The following PCDHGA4 variants were observed in gnomAD, a reference collection of about 807,000 sequenced individuals.
PCDHGA4 encodes the protein protocadherin gamma-A4.
A neutral mutation model predicts 54.6 loss-of-function variants in PCDHGA4; 38 were observed. The observed-to-expected ratio is 0.70, with a 90% confidence interval of 0.54 to 0.91. The LOEUF is 0.91. PCDHGA4 is among the 40% of genes least tolerant of loss of function. The probability of loss-of-function intolerance (pLI) is 0.00; values close to 1 mark genes in which losing one functional copy is unlikely to be tolerated. For synonymous variants in PCDHGA4, 511 were observed against 512.9 expected, an observed-to-expected ratio of 1.00 and a Z score of 0.05; for missense variants, 1,298 against 1,220.9, an observed-to-expected ratio of 1.06 and a Z score of -0.94.
At chr5:141,387,816 C>T (rs1376270603) in intron 1 of PCDHGA4, 3 of 1,539,164 alleles carry the variant, frequency 1.9e-6, no homozygotes, top group African/African-American at 1.4e-5. Flanking sequence ...ATCCAAAAAT[C>T]TGCAATACAG....
chr5:141,494,446 G>C (rs1046119515), intron 1 of PCDHGA4, among the ~76,000 whole-genome samples: 2 of 152,172 alleles, frequency 1.3e-5, no homozygotes, highest in African/African-American at 4.8e-5. Context: ...TGCCACTTTA[G>C]GGGGCTTTGT....
intron 1 of PCDHGA4, chr5:141,427,726 T>C: frequency 8.7e-7 from 1 of 1,155,152 alleles, no homozygotes; most frequent in Non-Finnish European, 1.3e-6. Context: ...GACCTAGGGC[T>C]GAATGGCCAA....
intron 1 of PCDHGA4, among the ~76,000 whole-genome samples, chr5:141,386,522 C>CT (rs35543697): frequency 1 from 152,285 of 152,292 alleles, 76,139 homozygotes; most frequent in Middle Eastern, 1. Flanking sequence ...CAAAAAAAGA[C>CT]TCTTTTTAGA....
intron 1 of PCDHGA4, among the ~76,000 whole-genome samples, chr5:141,380,667 T>G (rs552117625): frequency 1.1e-4 from 16 of 152,362 alleles, no homozygotes; most frequent in African/African-American, 3.6e-4. Flanking sequence ...ATTTACTCCA[T>G]AGGGTATGTA....
chr5:141,375,490 C>T (rs752487734), intron 1 of PCDHGA4: 1 of 1,614,012 alleles, frequency 6.2e-7, no homozygotes, highest in East Asian at 2.2e-5. Context: ...CCAGGGGTGC[C>T]TCCATCTTCT....
chr5:141,449,283 A>C (rs937339676), intron 1 of PCDHGA4, among the ~76,000 whole-genome samples: 1 of 152,102 alleles, frequency 6.6e-6, no homozygotes, highest in African/African-American at 2.4e-5. Flanking sequence ...CTTCACCCGG[A>C]TGCACCGGGT....
intron 1 of PCDHGA4, chr5:141,393,317 G>C (rs927337267): frequency 6.2e-7 from 1 of 1,612,904 alleles, no homozygotes; most frequent in South Asian, 1.1e-5. Flanking sequence ...ACTCCCTCCA[G>C]AGCTACCAGC....
chr5:141,500,484 C>T (rs2099800696), intron 2 of PCDHGA4, among the ~76,000 whole-genome samples: 1 of 152,304 alleles, frequency 6.6e-6, no homozygotes, highest in Non-Finnish European at 1.5e-5. Context: ...GCTGGGATTA[C>T]AGGCGTGAGC....
At chr5:141,365,002 C>G (rs779500238) in intron 1 of PCDHGA4, 2 of 1,613,800 alleles carry the variant, frequency 1.2e-6, no homozygotes, top group African/African-American at 2.7e-5. Flanking sequence ...TACTCTCCGG[C>G]ACCACGCACA....
intron 1 of PCDHGA4, chr5:141,415,217 GCTTCGAGTCT>G: frequency 2.5e-6 from 4 of 1,614,124 alleles, no homozygotes; most frequent in Non-Finnish European, 3.4e-6. Context: ...GACCTCGGCA[GCTTCGAGTCT>G]CCAGCTAACT....
intron 1 of PCDHGA4, among the ~76,000 whole-genome samples, chr5:141,430,159 A>G (rs1324343997): frequency 6.6e-6 from 1 of 152,176 alleles, no homozygotes; most frequent in Non-Finnish European, 1.5e-5. Context: ...CAAGGAATCT[A>G]TTTAAAAATA....
chr5:141,400,194 G>T (rs2093978875), intron 1 of PCDHGA4: 2 of 1,614,034 alleles, frequency 1.2e-6, no homozygotes, highest in Non-Finnish European at 1.7e-6. Flanking sequence ...TTTACCTAGT[G>T]GTGGCCTTGG....
Position 141,400,535 on chromosome 5 carries a change from T to C in PCDHGA4, c.2514+42914T>C, listed in dbSNP as rs753705723. 2.5e-6 allele frequency: 4 copies of C among 1,613,958 alleles called. No individual in the cohort carries two copies. In the South Asian group the frequency reaches 4.4e-5, roughly 18 times the overall value. ...TCCCATCCTGAGTTGGTGAGTTTCATTTATGTCTATTCTTTTTCATTACCC... is the reference window on the plus strand; with the variant it reads ...TCCCATCCTGAGTTGGTGAGTTTCACTTATGTCTATTCTTTTTCATTACCC... On this transcript the variant is annotated intron_variant, in intron 1 of 3. Transcript: ENST00000571252.
In PCDHGA4 at chr5:141,491,731, C is replaced by T. The variant is rs1198438920; in HGVS notation, c.2515-3076C>T. ...GGGCTCGGCGCCGCCCCGGGCGACC[C>T]CTGGGGGCGGCACTGGAGAAGCCGC... On this transcript the variant is annotated intron_variant, in intron 1 of 3. Coordinates refer to ENST00000571252, the MANE Select transcript of PCDHGA4 (RefSeq NM_018917.4). The surrounding 1 kb of genome is among the most constrained non-coding windows in gnomAD (Gnocchi z 6.9). 1 of 1,603,678 alleles carries T rather than the reference C, an allele frequency of 6.2e-7. No homozygotes were observed. Among genetic ancestry groups the T allele is most frequent in the Non-Finnish European group, 8.5e-7 (1 of 1,175,748 alleles).
chr5:141,357,886 T>C lies in PCDHGA4; in HGVS notation c.2514+265T>C, dbSNP rs144492107. 2.4e-4 allele frequency among the ~76,000 whole-genome samples: 37 copies of C among 152,312 alleles called. No individual in the cohort carries two copies. In the East Asian group the frequency reaches 5.6e-3, roughly 23 times the overall value. On this transcript the variant is annotated intron_variant, in intron 1 of 3. Coordinates refer to ENST00000571252, the MANE Select transcript of PCDHGA4 (RefSeq NM_018917.4). Reference sequence around the variant, plus strand: ...AATTTTACAACTCTGAGCCACCTCATTTCCTTAAATTTCCTTTTCTGTGCT... The same window carrying C: ...AATTTTACAACTCTGAGCCACCTCACTTCCTTAAATTTCCTTTTCTGTGCT...
chr5:141,390,300 T>C, intron 1 of PCDHGA4: 2 of 1,613,822 alleles, frequency 1.2e-6, no homozygotes, highest in Non-Finnish European at 1.7e-6. Flanking sequence ...CCTTTAAGTA[T>C]AATTTAATGC....
At chr5:141,453,482 A>T (rs979979155) in intron 1 of PCDHGA4, among the ~76,000 whole-genome samples, 1 of 151,990 alleles carries the variant, frequency 6.6e-6, no homozygotes, top group Non-Finnish European at 1.5e-5. Context: ...CAAAACTATT[A>T]AAAAAAGGTG....
chr5:141,510,894 A>G, intron 3 of PCDHGA4, 53 bp from the exon 4 acceptor site: 2 of 1,612,850 alleles, frequency 1.2e-6, no homozygotes, highest in Non-Finnish European at 8.5e-7. Flanking sequence ...TAAGACAGTG[A>G]CTGTTGAGGA....
chr5:141,466,674 T>C (rs2099127051), intron 1 of PCDHGA4, among the ~76,000 whole-genome samples: 1 of 152,222 alleles, frequency 6.6e-6, no homozygotes, highest in South Asian at 2.1e-4. Flanking sequence ...TTCACCGTTC[T>C]TCCACTCAAG....
Sources: gnomAD v4.1 joint callset for allele counts (sites outside exome capture counted in the v4.1 genomes callset) on GRCh38, gnomAD v4.1.1 for gene constraint, Gnocchi (gnomAD v3.1) non-coding constraint, MANE v1.5 for transcripts, NCBI Gene and HGNC (gene_info 2026-07-23, HGNC 2026-07-21) for gene names.